AIM2: variants seen among roughly 807,000 people sequenced by gnomAD.
AIM2 encodes the protein absent in melanoma 2.
In AIM2, 30 loss-of-function variants were observed where a neutral mutation model predicts 27.7. That is an observed-to-expected ratio of 1.08 (90% CI 0.81 to 1.47). AIM2 has a LOEUF of 1.47. Ranked by LOEUF, AIM2 falls within the 40% of genes most tolerant of loss-of-function variation. The probability of loss-of-function intolerance (pLI) is 0.00; values close to 1 mark genes in which losing one functional copy is unlikely to be tolerated. For synonymous variants in AIM2, 141 were observed against 145.3 expected (o/e 0.97, Z 0.21); for missense variants, 358 against 411.3 (o/e 0.87, Z 1.12).
intron 1 of AIM2, among the ~76,000 whole-genome samples, chr1:159,086,400 T>G (rs556282859): frequency 2.6e-5 from 4 of 152,380 alleles, no homozygotes; most frequent in Admixed American, 2.0e-4. Context: ...TCTGTTTTCC[T>G]GTTGGCCAGC....
Position 159,139,288 on chromosome 1 carries a change from A to G in AIM2, c.-16+1143T>C, listed in dbSNP as rs111510998. 1.3e-3 allele frequency among the ~76,000 whole-genome samples: 202 copies of G among 152,330 alleles called. 4 individuals carry two copies. Among genetic ancestry groups the G allele is most frequent in the African/African-American group, 4.6e-3 (193 of 41,582 alleles). On this transcript the variant is annotated intron_variant, in intron 1 of 2. Coordinates refer to the AIM2 transcript ENST00000368129. The stretch of plus-strand genomic sequence containing the variant: ...CTAGAAAACTCCAATCAGACCTCTT[A>G]GGGTAGCACAGGGTGGCATCTGCCC...
At chr1:159,106,113 C>T (rs1427069030) in intron 1 of AIM2, among the ~76,000 whole-genome samples, 1 of 152,152 alleles carries the variant, frequency 6.6e-6, no homozygotes, top group Non-Finnish European at 1.5e-5. Context: ...GGAGTGAGAG[C>T]AGGCACTTCT....
intron 1 of AIM2, among the ~76,000 whole-genome samples, chr1:159,108,283 A>T (rs968991382): frequency 6.6e-6 from 1 of 151,998 alleles, no homozygotes; most frequent in Non-Finnish European, 1.5e-5. Flanking sequence ...ATGTGATAAA[A>T]AACAAAAAAT....
At chr1:159,060,285 A>C (rs1056906432), downstream of AIM2, among the ~76,000 whole-genome samples, 4 of 152,224 alleles carry the variant, frequency 2.6e-5, no homozygotes, top group Non-Finnish European at 4.4e-5. Flanking sequence ...GATTTCTGTG[A>C]GTCTCTTTAA....
At chr1:159,126,443 C>G (rs559204301) in intron 1 of AIM2, among the ~76,000 whole-genome samples, 3 of 152,072 alleles carry the variant, frequency 2.0e-5, no homozygotes, top group Non-Finnish European at 1.5e-5. Context: ...GTCAGGAGAT[C>G]GAGACCATCC....
intron 1 of AIM2, among the ~76,000 whole-genome samples, chr1:159,094,214 G>T (rs1657119083): frequency 6.6e-6 from 1 of 152,112 alleles, no homozygotes; most frequent in Admixed American, 6.5e-5. Context: ...CACTCTATTA[G>T]GTTGGTGCAA....
upstream of AIM2, among the ~76,000 whole-genome samples, chr1:159,143,112 A>G (rs556585251): frequency 4.3e-4 from 66 of 152,302 alleles, no homozygotes; most frequent in African/African-American, 1.5e-3. Context: ...AAATGAAACA[A>G]TTAGATTAGA....
intron 1 of AIM2, among the ~76,000 whole-genome samples, chr1:159,130,834 A>ACACACG (rs1385001684): frequency 1.2e-4 from 15 of 129,512 alleles, no homozygotes; most frequent in Admixed American, 6.5e-4. Flanking sequence ...ACACACACAC[A>ACACACG]CACACACACG....
chr1:159,090,757 A>G (rs1356797002), intron 1 of AIM2, among the ~76,000 whole-genome samples: 1 of 152,232 alleles, frequency 6.6e-6, no homozygotes, highest in African/African-American at 2.4e-5. Context: ...TGTCAGAGTC[A>G]GCATCAAACA....
downstream of AIM2, among the ~76,000 whole-genome samples, chr1:159,059,212 T>G (rs905014853): frequency 6.6e-6 from 1 of 152,292 alleles, no homozygotes; most frequent in East Asian, 1.9e-4. Context: ...AGATGCCAAT[T>G]AGACATTTTT....
upstream of AIM2, among the ~76,000 whole-genome samples, chr1:159,078,644 A>G (rs2101996817): frequency 6.6e-6 from 1 of 152,334 alleles, no homozygotes; most frequent in African/African-American, 2.4e-5. Context: ...ACAAGTACTC[A>G]TCGTCCAGCT....
chr1:159,067,728 T>C (rs989783335), intron 3 of AIM2, among the ~76,000 whole-genome samples: 2 of 152,154 alleles, frequency 1.3e-5, no homozygotes, highest in Non-Finnish European at 2.9e-5. Context: ...CCAGAGGAAA[T>C]GGTTCCTCTA....
intron 2 of AIM2, among the ~76,000 whole-genome samples, chr1:159,072,592 A>C (rs553462466): frequency 6.6e-6 from 1 of 152,320 alleles, no homozygotes; most frequent in South Asian, 2.1e-4. Context: ...ATTCAGATGG[A>C]GATGAGTGAT....
intron 1 of AIM2, among the ~76,000 whole-genome samples, chr1:159,083,234 G>A (rs1372189854): frequency 6.6e-6 from 1 of 152,146 alleles, no homozygotes; most frequent in African/African-American, 2.4e-5. Context: ...TTGGGAAAGT[G>A]GAAAGAGAGA....
chr1:159,061,999 A>G (rs996110191), downstream of AIM2, among the ~76,000 whole-genome samples: 2 of 152,154 alleles, frequency 1.3e-5, no homozygotes, highest in Non-Finnish European at 2.9e-5. Flanking sequence ...ATTTTTGTAT[A>G]AAGAGTGAGG....
At chr1:159,122,803 G>A (rs1330489603) in intron 1 of AIM2, among the ~76,000 whole-genome samples, 3 of 152,042 alleles carry the variant, frequency 2.0e-5, no homozygotes, top group East Asian at 3.9e-4. Flanking sequence ...TATTTTCACG[G>A]TGACCCCAAG....
At chr1:159,139,594 G>A (rs1273194989) in intron 1 of AIM2, among the ~76,000 whole-genome samples, 1 of 152,008 alleles carries the variant, frequency 6.6e-6, no homozygotes, top group Non-Finnish European at 1.5e-5. Flanking sequence ...TTCTTATACC[G>A]AGGTCTTCTG....
chr1:159,083,445 G>T (rs184551481), intron 1 of AIM2, among the ~76,000 whole-genome samples: 205 of 152,284 alleles, frequency 1.3e-3, no homozygotes, highest in African/African-American at 4.8e-3. Flanking sequence ...AAGGTATGAG[G>T]CAGGGGACTA....
At chr1:159,143,595 C>T (rs1648152747), upstream of AIM2, among the ~76,000 whole-genome samples, 2 of 137,124 alleles carry the variant, frequency 1.5e-5, no homozygotes, top group Non-Finnish European at 3.2e-5. Flanking sequence ...CACACACACA[C>T]ACACACACAC....
Sources: allele counts gnomAD v4.1 joint callset (sites outside exome capture counted in the v4.1 genomes callset), GRCh38; gene constraint gnomAD v4.1.1; transcripts MANE v1.5; gene names NCBI Gene and HGNC (gene_info 2026-07-23, HGNC 2026-07-21).